The following TRMT10B variants were observed in gnomAD, a reference collection of about 807,000 sequenced individuals.
The protein encoded by TRMT10B is tRNA methyltransferase 10 homolog B.
In TRMT10B, 33 loss-of-function variants were observed where a neutral mutation model predicts 43.8. That is an observed-to-expected ratio of 0.75 (90% CI 0.57 to 1.01). The LOEUF is 1.01. Ranked by LOEUF, TRMT10B falls within the 50% of genes least tolerant of loss-of-function variation. The probability of loss-of-function intolerance (pLI) is 0.00; values close to 1 mark genes in which losing one functional copy is unlikely to be tolerated. For synonymous variants in TRMT10B, 137 were observed against 130.6 expected (o/e 1.05, Z -0.34); for missense variants, 362 against 369.8 (o/e 0.98, Z 0.17).
chr9:37,763,143 C>CAAAAAAAAAAAAAAAAA (rs747893643), intron 3 of TRMT10B, among the ~76,000 whole-genome samples: 6 of 50,200 alleles, frequency 1.2e-4, no homozygotes, highest in African/African-American at 1.4e-4. Flanking sequence ...GACTCTGTCT[C>CAAAAAAAAAAAAAAAAA]AAAAAAAAAA....
intron 1 of TRMT10B, among the ~76,000 whole-genome samples, chr9:37,760,716 T>C (rs538959560): frequency 6.6e-6 from 1 of 152,168 alleles, no homozygotes; most frequent in Non-Finnish European, 1.5e-5. Context: ...GGAGTGTGGA[T>C]TGTTACTTTT....
chr9:37,775,720 A>G (rs1828067052), intron 7 of TRMT10B, among the ~76,000 whole-genome samples: 1 of 151,984 alleles, frequency 6.6e-6, no homozygotes. Context: ...TGTTATTTGT[A>G]GAGACAGGAT....
chr9:37,770,314 A>G (rs1396185220), intron 6 of TRMT10B, among the ~76,000 whole-genome samples: 1 of 152,146 alleles, frequency 6.6e-6, no homozygotes, highest in African/African-American at 2.4e-5. Flanking sequence ...TTCTTGGATC[A>G]ATGTTAGATC....
intron 6 of TRMT10B, among the ~76,000 whole-genome samples, chr9:37,770,221 C>CTTAG (rs899789195): frequency 9.2e-5 from 14 of 152,342 alleles, no homozygotes; most frequent in African/African-American, 3.4e-4. Context: ...CAGCTGCAGA[C>CTTAG]TTAGGGTTTC....
intron 7 of TRMT10B, among the ~76,000 whole-genome samples, chr9:37,774,158 C>T (rs1022702565): frequency 5.3e-5 from 8 of 151,978 alleles, no homozygotes; most frequent in African/African-American, 1.5e-4. Flanking sequence ...CACAGGTGGG[C>T]GCTACCATGC....
chr9:37,755,711 A>G (rs1036286965), intron 1 of TRMT10B, among the ~76,000 whole-genome samples: 67 of 152,306 alleles, frequency 4.4e-4, no homozygotes, highest in African/African-American at 1.6e-3. Context: ...TTGCATCCCA[A>G]ATTCCTGGTT....
chr9:37,768,779 G>A (rs1377474722), intron 5 of TRMT10B, among the ~76,000 whole-genome samples: 2 of 152,242 alleles, frequency 1.3e-5, no homozygotes, highest in African/African-American at 4.8e-5. Flanking sequence ...AGTGATGAAT[G>A]TGAAGGGTGC....
intron 7 of TRMT10B, among the ~76,000 whole-genome samples, chr9:37,774,128 G>C (rs1362561500): frequency 6.6e-6 from 1 of 152,070 alleles, no homozygotes; most frequent in East Asian, 1.9e-4. Flanking sequence ...CCCTACCTCA[G>C]CTTCCCAAGT....
At chr9:37,774,665 A>AT (rs765098654) in intron 7 of TRMT10B, among the ~76,000 whole-genome samples, 16 of 152,368 alleles carry the variant, frequency 1.1e-4, no homozygotes, top group Non-Finnish European at 2.4e-4. Context: ...TAGCTCATAT[A>AT]TGCAAAGGAG....
At position 37,778,615 on chromosome 9, in the gene TRMT10B, T is replaced by C. The variant is rs1828430575; in HGVS notation, c.*908T>C. The C allele has an allele frequency of 6.6e-6, 1 of 152,202 alleles. No individual in the cohort carries two copies. The highest frequency in any genetic ancestry group is 1.5e-5 in the Non-Finnish European group (1 of 68,040). The allele number at this position is 152,202 out of a possible 1,614,324, so 9.4% of individuals were successfully genotyped here. A position where few individuals can be genotyped will look rare whatever the true frequency, so the allele number is the denominator to read the frequency against. On this transcript the variant is annotated 3_prime_UTR_variant, in exon 9 of 9. Coordinates refer to ENST00000297994, the MANE Select transcript of TRMT10B (RefSeq NM_144964.4). ...ATTTGTGAGAGACCTCTTGAAATTGTTTAAATGGTTACATCAAGAGTTTAA... is the reference window on the plus strand; with the variant it reads ...ATTTGTGAGAGACCTCTTGAAATTGCTTAAATGGTTACATCAAGAGTTTAA...
intron 5 of TRMT10B, chr9:37,769,618 GTTTT>G (rs796085877): frequency 1.7e-5 from 3 of 178,786 alleles, no homozygotes; most frequent in East Asian, 1.3e-4. Context: ...TTTGAGCGGG[GTTTT>G]TTTTTTTTTT....
chr9:37,769,403 C>G (rs773646034), intron 5 of TRMT10B, among the ~76,000 whole-genome samples: 1 of 150,620 alleles, frequency 6.6e-6, no homozygotes, highest in Non-Finnish European at 1.5e-5. Flanking sequence ...GTTACTCCCT[C>G]ATCTGTAGTC....
At chr9:37,754,746 TGAAC>T (rs1338489411) in intron 1 of TRMT10B, among the ~76,000 whole-genome samples, 1 of 152,168 alleles carries the variant, frequency 6.6e-6, no homozygotes, top group African/African-American at 2.4e-5. Flanking sequence ...GTAGCTTTGT[TGAAC>T]GAAAGTAATG....
intron 1 of TRMT10B, among the ~76,000 whole-genome samples, chr9:37,759,866 A>AT (rs1470757537): frequency 6.6e-6 from 1 of 152,182 alleles, no homozygotes; most frequent in Non-Finnish European, 1.5e-5. Flanking sequence ...TCTTGACAGG[A>AT]TTGTCAGTAA....
intron 7 of TRMT10B, among the ~76,000 whole-genome samples, chr9:37,771,273 T>C (rs1256720366): frequency 1.3e-5 from 2 of 152,072 alleles, no homozygotes; most frequent in Non-Finnish European, 2.9e-5. Flanking sequence ...ATAAGTTTAA[T>C]AAAAGTTAAA....
intron 8 of TRMT10B, 36 bp downstream of exon 8, chr9:37,776,441 G>A (rs966921415): frequency 1.9e-6 from 3 of 1,586,698 alleles, no homozygotes; most frequent in Non-Finnish European, 2.6e-6. Context: ...GGGTGTGTGA[G>A]TTCTGGTGCT....
rs778955127 is a variant in TRMT10B, at chr9:37,770,004, C to G, written c.637C>G (p.Pro213Ala). 1 of 1,613,778 alleles carries G rather than the reference C, an allele frequency of 6.2e-7. No homozygotes were observed. The highest frequency in any genetic ancestry group is 8.5e-7 in the Non-Finnish European group (1 of 1,179,642). ...CTTGGAAACCCTTGTGTACCTGACTCCTGACTCAGAACACGGTATGTAGTT... is the reference window on the plus strand; with the variant it reads ...CTTGGAAACCCTTGTGTACCTGACTGCTGACTCAGAACACGGTATGTAGTT... Reference protein sequence around the residue: ...FPLETLVYLTPDSEHALEDVD... With the variant: ...FPLETLVYLTADSEHALEDVD... Residue 213 changes from proline (P) to alanine (A), a missense_variant, in exon 6 of 9, where the codon CCT becomes GCT. Pro to Ala is a conservative substitution (Grantham distance 27, BLOSUM62 -1). Transcript: ENST00000297994.
intron 7 of TRMT10B, among the ~76,000 whole-genome samples, chr9:37,773,728 G>A (rs1042976187): frequency 6.6e-6 from 1 of 152,038 alleles, no homozygotes; most frequent in African/African-American, 2.4e-5. Context: ...CAGCTACTCG[G>A]GAGGCTGAGG....
intron 7 of TRMT10B, among the ~76,000 whole-genome samples, chr9:37,771,442 T>A (rs1350762467): frequency 2.8e-5 from 4 of 142,504 alleles, no homozygotes; most frequent in African/African-American, 1.0e-4. Context: ...ATTTTACATA[T>A]AGGTAGAGGT....
Sources: allele counts gnomAD v4.1 joint callset (sites outside exome capture counted in the v4.1 genomes callset), GRCh38; gene constraint gnomAD v4.1.1; transcripts MANE v1.5; gene names NCBI Gene and HGNC (gene_info 2026-07-23, HGNC 2026-07-21).